Variants in SERPINB8 observed in about 807,000 individuals in gnomAD.
SERPINB8 encodes serpin family B member 8, also known as serpin B8.
In SERPINB8, 25 loss-of-function variants were observed where a neutral mutation model predicts 35.3. The observed-to-expected ratio is 0.71, with a 90% CI of 0.52 to 0.99. The LOEUF (loss-of-function observed/expected upper bound fraction) is 0.99, where lower values mean the gene tolerates loss of function less well. SERPINB8 is among the 50% of genes least tolerant of loss of function. SERPINB8 has a pLI of 0.00. For missense variants in SERPINB8, 484 were observed against 446.5 expected (o/e 1.08, Z -0.76); for synonymous variants, 186 against 160.8 (o/e 1.16, Z -1.19).
At chr18:64,013,241 C>A (rs2050934113) in intron 7 of SERPINB8, among the ~76,000 whole-genome samples, 1 of 151,966 alleles carries the variant, frequency 6.6e-6, no homozygotes, top group African/African-American at 2.4e-5. Flanking sequence ...TCTGATTCCC[C>A]CCAGTGCCTG....
At chr18:63,980,500 T>C (rs886440313) in intron 3 of SERPINB8, among the ~76,000 whole-genome samples, 1 of 151,700 alleles carries the variant, frequency 6.6e-6, no homozygotes, top group Non-Finnish European at 1.5e-5. Flanking sequence ...GGTGATGTTG[T>C]CTTAAAATTA....
At chr18:63,986,429 C>A in intron 6 of SERPINB8, 1 of 1,462,394 alleles carries the variant, frequency 6.8e-7, no homozygotes. Context: ...TCTGAGTTGC[C>A]CTCTGATTTA....
chr18:63,996,207 C>T (rs145761727), intron 1 of SERPINB8, among the ~76,000 whole-genome samples: 1 of 152,244 alleles, frequency 6.6e-6, no homozygotes, highest in East Asian at 1.9e-4. Flanking sequence ...TTTTATGGGA[C>T]AATTGGGCTG....
chr18:63,970,621 G>A (rs1015188165), intron 1 of SERPINB8: 1 of 152,546 alleles, frequency 6.6e-6, no homozygotes, highest in East Asian at 1.9e-4. Context: ...CGAGTGGGAG[G>A]AGCCGCCGCT....
rs774744120 is a variant in SERPINB8, at chr18:63,986,852, G to A, written c.721-22G>A. The A allele has an allele frequency of 3.2e-6, 5 of 1,578,454 alleles. No homozygotes were observed. The South Asian group carries it at 6.0e-5, about 19-fold the overall frequency. ...AGGCTATTGTCATCTAAATTTTAAG[G>A]TTTGAGTCTTTCTTATCCTAGGTGG... On this transcript the variant is annotated intron_variant, in intron 6 of 6. Transcript: ENST00000397985.
At chr18:63,973,788 G>A (rs2050533256) in intron 1 of SERPINB8, among the ~76,000 whole-genome samples, 1 of 152,218 alleles carries the variant, frequency 6.6e-6, no homozygotes, top group African/African-American at 2.4e-5. Flanking sequence ...TCAAAGATCA[G>A]ATGGTTGTAG....
rs549647086 is a variant in SERPINB8, at chr18:64,015,156, C to A, written c.*3-3754C>A. Among the ~76,000 whole-genome samples the A allele has an allele frequency of 6.6e-5, 10 of 152,236 alleles. No homozygotes were observed. The East Asian group carries it at 1.7e-3, about 26-fold the overall frequency. ...TGGCTGTTGTCATGTGTCAGACAGACCTAACTTCAGAGAGCATCGGCCTGC... is the reference window on the plus strand; with the variant it reads ...TGGCTGTTGTCATGTGTCAGACAGAACTAACTTCAGAGAGCATCGGCCTGC... On this transcript the variant is annotated intron_variant, in intron 7 of 7. Transcript: ENST00000636430.
At chr18:63,986,451 T>C (rs930863100) in intron 6 of SERPINB8, 2 of 1,408,342 alleles carry the variant, frequency 1.4e-6, no homozygotes, top group Non-Finnish European at 1.8e-6. Flanking sequence ...CCCTGAATAG[T>C]CCCCTCATTA....
At chr18:63,985,542 C>A (rs973833570) in intron 6 of SERPINB8, among the ~76,000 whole-genome samples, 4 of 152,130 alleles carry the variant, frequency 2.6e-5, no homozygotes, top group African/African-American at 9.7e-5. Context: ...ATGATTATTG[C>A]ACAAAAGTCC....
At chr18:63,997,764 C>A (rs73961866) in intron 1 of SERPINB8, among the ~76,000 whole-genome samples, 2,953 of 152,278 alleles carry the variant, frequency 0.019, 105 homozygotes, top group African/African-American at 0.067. Flanking sequence ...AAAACACATC[C>A]CTCTCTTGGG....
At chr18:64,012,809 C>T (rs1262209425) in intron 7 of SERPINB8, among the ~76,000 whole-genome samples, 4 of 152,020 alleles carry the variant, frequency 2.6e-5, no homozygotes, top group African/African-American at 9.7e-5. Flanking sequence ...AGCTGGTTTA[C>T]GTAATCTCTA....
chr18:63,983,853 T>A, intron 5 of SERPINB8, 132 bp downstream of exon 5: 1 of 650,092 alleles, frequency 1.5e-6, no homozygotes, highest in Non-Finnish European at 2.4e-6. Context: ...ATTATATTAT[T>A]TTATTTTCTT....
downstream of SERPINB8, among the ~76,000 whole-genome samples, chr18:63,992,903 C>T (rs750115287): frequency 6.6e-6 from 1 of 152,204 alleles, no homozygotes; most frequent in Non-Finnish European, 1.5e-5. Context: ...GCTTGTGACA[C>T]TGCATCCTTT....
chr18:63,972,594 A>G (rs929559407), intron 1 of SERPINB8, among the ~76,000 whole-genome samples: 1 of 152,158 alleles, frequency 6.6e-6, no homozygotes, highest in Non-Finnish European at 1.5e-5. Flanking sequence ...CCCATCAACT[A>G]GTCATTTACA....
intron 1 of SERPINB8, among the ~76,000 whole-genome samples, chr18:64,004,294 T>TAA (rs2050889874): frequency 4.6e-5 from 7 of 152,132 alleles, no homozygotes; most frequent in Non-Finnish European, 1.0e-4. Context: ...AGTATTTGCT[T>TAA]AGCATGGCTA....
intron 1 of SERPINB8, among the ~76,000 whole-genome samples, chr18:63,998,060 A>G (rs2050858318): frequency 1.3e-5 from 2 of 152,330 alleles, no homozygotes; most frequent in Admixed American, 1.3e-4. Context: ...AGATGCCAAC[A>G]CAGCATGAAA....
chr18:64,017,793 T>C (rs2050957579), intron 7 of SERPINB8, among the ~76,000 whole-genome samples: 2 of 152,136 alleles, frequency 1.3e-5, no homozygotes, highest in Admixed American at 6.5e-5. Context: ...CCTCCTACCT[T>C]CTTTCCAAAA....
chr18:63,995,121 C>A lies in SERPINB8; in HGVS notation c.71-9698C>A, dbSNP rs528016650. On this transcript the variant is annotated intron_variant, in intron 1 of 1. Coordinates refer to the SERPINB8 transcript ENST00000493661. Reference sequence around the variant, plus strand: ...CATGGGGGGCCCAGCAGGCAGCTCACGAGGGTTTGCATGGTGATAGCCCCT... The same window carrying A: ...CATGGGGGGCCCAGCAGGCAGCTCAAGAGGGTTTGCATGGTGATAGCCCCT... Among the ~76,000 whole-genome samples, 313 of 152,264 alleles carry A rather than the reference C, an allele frequency of 2.1e-3. 5 individuals carry two copies. The highest frequency in any genetic ancestry group is 7.1e-3 in the African/African-American group (293 of 41,558).
intron 1 of SERPINB8, among the ~76,000 whole-genome samples, chr18:63,977,753 A>G (rs549420651): frequency 1.1e-4 from 16 of 152,334 alleles, no homozygotes; most frequent in African/African-American, 3.8e-4. Flanking sequence ...TTTATGAATA[A>G]ACCAGTGTTT....
Sources: gnomAD v4.1 joint callset for allele counts (sites outside exome capture counted in the v4.1 genomes callset) on GRCh38, gnomAD v4.1.1 for gene constraint, MANE v1.5 for transcripts, NCBI Gene and HGNC (gene_info 2026-07-23, HGNC 2026-07-21) for gene names.